Variants in FNBP1L observed in about 807,000 individuals in gnomAD.
The protein encoded by FNBP1L is formin-binding protein 1-like.
Under a neutral mutation model 91.2 loss-of-function variants are expected in FNBP1L, and 36 were observed. The ratio of observed to expected loss-of-function variants is 0.39; its 90% CI spans 0.30 to 0.52. The LOEUF (loss-of-function observed/expected upper bound fraction) is 0.52. Among genes scored for constraint, FNBP1L ranks in the 20% least tolerant of loss-of-function variants. The probability of loss-of-function intolerance (pLI) is 0.66; values close to 1 mark genes in which losing one functional copy is unlikely to be tolerated. For missense variants in FNBP1L, 571 were observed against 732.1 expected (o/e 0.78, Z 2.54); for synonymous variants, 242 against 237.0 (o/e 1.02, Z -0.19).
At chr1:93,531,210 T>C (rs754359895) in intron 7 of FNBP1L, among the ~76,000 whole-genome samples, 2 of 152,234 alleles carry the variant, frequency 1.3e-5, no homozygotes, top group Non-Finnish European at 2.9e-5. Context: ...AATTGAGATG[T>C]AGCATTTTTA....
At chr1:93,506,910 A>G (rs1021073835) in intron 2 of FNBP1L, among the ~76,000 whole-genome samples, 1 of 152,182 alleles carries the variant, frequency 6.6e-6, no homozygotes, top group African/African-American at 2.4e-5. Flanking sequence ...TATATTTAAT[A>G]TCACATATAT....
chr1:93,519,573 A>G (rs912894660), intron 2 of FNBP1L, among the ~76,000 whole-genome samples: 1 of 152,116 alleles, frequency 6.6e-6, no homozygotes, highest in Non-Finnish European at 1.5e-5. Context: ...TTTATTGCTC[A>G]CCTGTAAAAA....
At chr1:93,538,661 AAAG>A (rs71805656) in intron 10 of FNBP1L, among the ~76,000 whole-genome samples, 15,274 of 152,070 alleles carry the variant, frequency 0.1, 1,104 homozygotes, top group East Asian at 0.32. Context: ...AAAAATTCAA[AAAG>A]AAGAAGGTAA....
At position 93,466,379 on chromosome 1, in the gene FNBP1L, T is replaced by G. The variant is rs541068042; in HGVS notation, c.24+18074T>G. ...AATCCATCTCGGATTAATTTTTGTATAAGGTGTAAGGAAGGGATCCAGTTT... is the reference window on the plus strand; with the variant it reads ...AATCCATCTCGGATTAATTTTTGTAGAAGGTGTAAGGAAGGGATCCAGTTT... On this transcript the variant is annotated intron_variant, in intron 1 of 16. Coordinates refer to ENST00000271234, the MANE Select transcript of FNBP1L (RefSeq NM_001164473.3). Among the ~76,000 whole-genome samples, 4 of 152,296 alleles carry G rather than the reference T, an allele frequency of 2.6e-5. No individual in the cohort carries two copies. In the South Asian group the frequency reaches 8.3e-4, roughly 32 times the overall value.
chr1:93,538,909 A>G (rs1415534945), intron 10 of FNBP1L, among the ~76,000 whole-genome samples: 14 of 152,040 alleles, frequency 9.2e-5, no homozygotes, highest in Non-Finnish European at 2.1e-4. Context: ...CCCAGTATAA[A>G]TTAAGGATAT....
intron 2 of FNBP1L, among the ~76,000 whole-genome samples, chr1:93,518,982 G>A (rs1049933169): frequency 1.3e-5 from 2 of 152,096 alleles, no homozygotes; most frequent in Non-Finnish European, 2.9e-5. Flanking sequence ...TTCTTTTGTA[G>A]AAAGGACTGT....
intron 1 of FNBP1L, among the ~76,000 whole-genome samples, chr1:93,469,432 T>C (rs1004979540): frequency 6.6e-6 from 1 of 152,194 alleles, no homozygotes; most frequent in Non-Finnish European, 1.5e-5. Context: ...TTTTCATGGC[T>C]GCATAGTATA....
intron 5 of FNBP1L, 65 bp downstream of exon 5, chr1:93,524,388 T>C (rs1360995264): frequency 8.8e-7 from 1 of 1,137,046 alleles, no homozygotes; most frequent in Non-Finnish European, 1.2e-6. Context: ...TAAATACTTT[T>C]ATGCTTCATA....
chr1:93,551,189 C>G, intron 16 of FNBP1L, 84 bp downstream of exon 16: 1 of 1,412,288 alleles, frequency 7.1e-7, no homozygotes, highest in Non-Finnish European at 9.3e-7. Context: ...AAAACACATT[C>G]AACAGGTTGA....
At chr1:93,496,329 A>T (rs1265288591) in intron 1 of FNBP1L, among the ~76,000 whole-genome samples, 2 of 149,018 alleles carry the variant, frequency 1.3e-5, no homozygotes. Context: ...GTCACAGCTC[A>T]CTGTAACTTG....
At chr1:93,549,470 T>TTAAAA in intron 15 of FNBP1L, 44 bp downstream of exon 15, 1 of 1,423,100 alleles carries the variant, frequency 7.0e-7, no homozygotes, top group Non-Finnish European at 9.3e-7. Flanking sequence ...AATTGGTTCT[T>TTAAAA]TAAAAGTATT....
chr1:93,458,083 C>T (rs528885561), intron 1 of FNBP1L, among the ~76,000 whole-genome samples: 1 of 152,154 alleles, frequency 6.6e-6, no homozygotes, highest in Non-Finnish European at 1.5e-5. Context: ...AGCCACGACG[C>T]CCGGCCGGAA....
chr1:93,511,384 C>T (rs1178449226), intron 2 of FNBP1L, among the ~76,000 whole-genome samples: 2 of 151,964 alleles, frequency 1.3e-5, no homozygotes, highest in Non-Finnish European at 2.9e-5. Flanking sequence ...GAAATAAAAT[C>T]CTTTACAGAC....
At chr1:93,533,489 T>G (rs904428762) in intron 8 of FNBP1L, among the ~76,000 whole-genome samples, 2 of 152,074 alleles carry the variant, frequency 1.3e-5, no homozygotes, top group African/African-American at 4.8e-5. Flanking sequence ...AGGAGGGCAT[T>G]ATGTGCAGAT....
chr1:93,524,515 TGTC>T (rs1204785016), intron 5 of FNBP1L, among the ~76,000 whole-genome samples, 192 bp downstream of exon 5: 1 of 151,722 alleles, frequency 6.6e-6, no homozygotes, highest in Non-Finnish European at 1.5e-5. Context: ...TTTTTCTTGT[TGTC>T]CTTTATAACT....
intron 2 of FNBP1L, among the ~76,000 whole-genome samples, chr1:93,513,723 T>G (rs1670953740): frequency 6.6e-6 from 1 of 152,318 alleles, no homozygotes; most frequent in South Asian, 2.1e-4. Flanking sequence ...TCAAGAACCC[T>G]TCATGCTAAA....
chr1:93,478,813 T>C (rs759876710), intron 1 of FNBP1L, among the ~76,000 whole-genome samples: 1 of 152,188 alleles, frequency 6.6e-6, no homozygotes, highest in Non-Finnish European at 1.5e-5. Flanking sequence ...TGTAAACTCA[T>C]GGTATAGATA....
chr1:93,485,248 T>C (rs1397335367), intron 1 of FNBP1L, among the ~76,000 whole-genome samples: 2 of 151,988 alleles, frequency 1.3e-5, no homozygotes, highest in African/African-American at 4.8e-5. Context: ...GGAAGATGGC[T>C]CATATACTAC....
chr1:93,455,761 AATGCTT>A (rs1668639697), intron 1 of FNBP1L, among the ~76,000 whole-genome samples: 1 of 152,220 alleles, frequency 6.6e-6, no homozygotes, highest in South Asian at 2.1e-4. Context: ...GACAATGATA[AATGCTT>A]TAAAACTGCA....
Sources: allele counts gnomAD v4.1 joint callset (sites outside exome capture counted in the v4.1 genomes callset), GRCh38; gene constraint gnomAD v4.1.1; transcripts MANE v1.5; gene names NCBI Gene and HGNC (gene_info 2026-07-23, HGNC 2026-07-21).